SORCS1: variants seen among roughly 807,000 people sequenced by gnomAD.
SORCS1 encodes VPS10 domain-containing receptor SorCS1.
Under a neutral mutation model 146.1 loss-of-function variants are expected in SORCS1, and 60 were observed. That is an observed-to-expected ratio of 0.41 (90% CI 0.33 to 0.51). SORCS1 has a LOEUF of 0.51. Ranked by LOEUF, SORCS1 falls within the 20% of genes least tolerant of loss-of-function variation. The pLI, the probability that SORCS1 is intolerant of heterozygous loss-of-function variation, is 0.21. For synonymous variants in SORCS1, 637 were observed against 584.0 expected (o/e 1.09, Z -1.31); for missense variants, 1,352 against 1,487.6 (o/e 0.91, Z 1.50).
At chr10:106,955,250 G>A (rs573793477) in intron 2 of SORCS1, among the ~76,000 whole-genome samples, 8 of 152,246 alleles carry the variant, frequency 5.3e-5, no homozygotes, top group South Asian at 2.1e-4. Context: ...TGGTGTCCCC[G>A]AGTTTTTAAG....
At chr10:107,028,948 G>A (rs964127874) in intron 1 of SORCS1, among the ~76,000 whole-genome samples, 3 of 152,074 alleles carry the variant, frequency 2.0e-5, no homozygotes, top group African/African-American at 4.8e-5. Context: ...ACAATCTCTC[G>A]GGTCTTTTGG....
intron 2 of SORCS1, among the ~76,000 whole-genome samples, chr10:106,951,524 A>C (rs796213640): frequency 2.0e-5 from 3 of 151,746 alleles, no homozygotes; most frequent in East Asian, 1.9e-4. Context: ...AAAAAAAAAA[A>C]AAAAAACGGA....
At chr10:106,790,586 G>C (rs191813769) in intron 3 of SORCS1, among the ~76,000 whole-genome samples, 1 of 152,272 alleles carries the variant, frequency 6.6e-6, no homozygotes, top group Admixed American at 6.5e-5. Flanking sequence ...TGAGAGGCTT[G>C]AAGGTCCTTT....
chr10:106,657,795 T>C (rs1850419752), intron 17 of SORCS1, among the ~76,000 whole-genome samples: 1 of 151,884 alleles, frequency 6.6e-6, no homozygotes, highest in African/African-American at 2.4e-5. Context: ...TCTATGAATT[T>C]GGGCAATTTA....
intron 15 of SORCS1, 86 bp downstream of exon 15, chr10:106,672,782 T>C: frequency 8.9e-7 from 1 of 1,122,306 alleles, no homozygotes; most frequent in Non-Finnish European, 1.3e-6. Context: ...TAGAGCATCC[T>C]AGTTCCTATA....
chr10:106,998,799 C>G (rs1054606214), intron 1 of SORCS1, among the ~76,000 whole-genome samples: 2 of 152,200 alleles, frequency 1.3e-5, no homozygotes, highest in African/African-American at 4.8e-5. Flanking sequence ...CTCTCTGATA[C>G]ACTGAGCTCC....
At chr10:106,942,003 G>A (rs1296471746) in intron 2 of SORCS1, among the ~76,000 whole-genome samples, 1 of 152,194 alleles carries the variant, frequency 6.6e-6, no homozygotes, top group Admixed American at 6.5e-5. Context: ...GGGATGTGGG[G>A]GGAATTGACA....
At chr10:106,989,815 T>C (rs1226300412) in intron 1 of SORCS1, among the ~76,000 whole-genome samples, 1 of 150,944 alleles carries the variant, frequency 6.6e-6, no homozygotes, top group Non-Finnish European at 1.5e-5. Flanking sequence ...GCCTCCCGAG[T>C]GGCTGGGACT....
At chr10:106,787,937 C>A (rs116105407) in intron 3 of SORCS1, among the ~76,000 whole-genome samples, 2,430 of 152,292 alleles carry the variant, frequency 0.016, 48 homozygotes, top group African/African-American at 0.053. Flanking sequence ...GTTGTCTGAT[C>A]TTGATTCAAG....
chr10:106,820,878 C>T (rs913730745), intron 3 of SORCS1, among the ~76,000 whole-genome samples: 3 of 152,176 alleles, frequency 2.0e-5, no homozygotes, highest in Admixed American at 6.5e-5. Context: ...TTTTCCACAG[C>T]AGAGCATAAC....
At chr10:106,738,767 G>A (rs1433353021) in intron 5 of SORCS1, among the ~76,000 whole-genome samples, 2 of 152,316 alleles carry the variant, frequency 1.3e-5, no homozygotes, top group Non-Finnish European at 2.9e-5. Flanking sequence ...TGAGATGGGA[G>A]GATCGCTTGA....
intron 1 of SORCS1, among the ~76,000 whole-genome samples, chr10:107,033,397 G>A (rs2133944329): frequency 6.6e-6 from 1 of 152,234 alleles, no homozygotes; most frequent in South Asian, 2.1e-4. Flanking sequence ...CCAGTATAAT[G>A]TGCCATGCTT....
chr10:106,929,759 AGG>A (rs1953292070), intron 2 of SORCS1, among the ~76,000 whole-genome samples: 1 of 136,802 alleles, frequency 7.3e-6, no homozygotes, highest in Non-Finnish European at 1.6e-5. Context: ...GTGAGGGCAC[AGG>A]CATGTGCACG....
chr10:106,661,448 C>G (rs1421347457), intron 17 of SORCS1, among the ~76,000 whole-genome samples: 1 of 152,178 alleles, frequency 6.6e-6, no homozygotes, highest in Non-Finnish European at 1.5e-5. Context: ...TTAAATATGT[C>G]TCAGATATTA....
intron 2 of SORCS1, among the ~76,000 whole-genome samples, chr10:106,836,033 C>T (rs920817311): frequency 6.6e-6 from 1 of 150,928 alleles, no homozygotes; most frequent in Non-Finnish European, 1.5e-5. Context: ...TAACAGACAA[C>T]ATCATAACAA....
chr10:106,991,730 G>C (rs1475989908), intron 1 of SORCS1, among the ~76,000 whole-genome samples: 1 of 152,152 alleles, frequency 6.6e-6, no homozygotes, highest in Non-Finnish European at 1.5e-5. Flanking sequence ...CACTAGAAGG[G>C]GGAAAGGGAA....
chr10:106,666,723 A>T (rs1272789930), intron 17 of SORCS1, among the ~76,000 whole-genome samples: 1 of 142,288 alleles, frequency 7.0e-6, no homozygotes, highest in Non-Finnish European at 1.5e-5. Context: ...TGTGCAGTTA[A>T]TTTTTTTTTT....
chr10:106,763,578 C>T (rs1392915815), intron 4 of SORCS1, among the ~76,000 whole-genome samples: 2 of 152,202 alleles, frequency 1.3e-5, no homozygotes, highest in East Asian at 3.8e-4. Context: ...CCCTGCTACG[C>T]CTTCACTGAG....
intron 24 of SORCS1, among the ~76,000 whole-genome samples, chr10:106,580,539 T>G (rs1029879436): frequency 1.5e-4 from 23 of 152,212 alleles, no homozygotes; most frequent in African/African-American, 5.5e-4. Context: ...CCACATGTAC[T>G]CCAGGGAAGC....
Sources: gnomAD v4.1 joint callset for allele counts (sites outside exome capture counted in the v4.1 genomes callset) on GRCh38, gnomAD v4.1.1 for gene constraint, MANE v1.5 for transcripts, NCBI Gene and HGNC (gene_info 2026-07-23, HGNC 2026-07-21) for gene names.